The following NOVA1 variants were observed in gnomAD, a reference collection of about 807,000 sequenced individuals.
The protein encoded by NOVA1 is NOVA alternative splicing regulator 1.
NOVA1 carries 7 observed loss-of-function variants against 38.0 expected under a neutral mutation model. The observed-to-expected ratio is 0.18, with a 90% CI of 0.10 to 0.35. The LOEUF is 0.35. Ranked by LOEUF, NOVA1 falls within the 10% of genes least tolerant of loss-of-function variation. The pLI is 1.00. For synonymous variants in NOVA1, 270 were observed against 232.5 expected (o/e 1.16, Z -1.47); for missense variants, 460 against 616.0 (o/e 0.75, Z 2.68).
At chr14:26,495,704 T>C (rs1393719041) in intron 2 of NOVA1, among the ~76,000 whole-genome samples, 1 of 138,744 alleles carries the variant, frequency 7.2e-6, no homozygotes, top group African/African-American at 2.6e-5. Flanking sequence ...TGTCCATGTA[T>C]TCTCATTGTT....
intron 2 of NOVA1, among the ~76,000 whole-genome samples, chr14:26,547,183 T>G (rs1220076743): frequency 2.0e-5 from 3 of 152,160 alleles, no homozygotes; most frequent in Non-Finnish European, 4.4e-5. Flanking sequence ...ATTCCAAAAT[T>G]ATTAAGTGAG....
chr14:26,589,732 TA>T (rs1173388984), intron 2 of NOVA1, among the ~76,000 whole-genome samples: 2 of 151,864 alleles, frequency 1.3e-5, no homozygotes, highest in African/African-American at 2.4e-5. Flanking sequence ...GCTTCTCACT[TA>T]AGGTTATTTT....
chr14:26,481,629 T>A (rs543568373), intron 2 of NOVA1, among the ~76,000 whole-genome samples: 25 of 152,240 alleles, frequency 1.6e-4, no homozygotes, highest in Non-Finnish European at 3.5e-4. Context: ...AGACCATGTA[T>A]ATGGCTTTCA....
chr14:26,488,754 TAATAA>T (rs945880376), intron 2 of NOVA1, among the ~76,000 whole-genome samples: 11 of 152,170 alleles, frequency 7.2e-5, no homozygotes, highest in Non-Finnish European at 8.8e-5. Context: ...TATATGTACA[TAATAA>T]ATAGAGATTT....
At chr14:26,588,799 T>C (rs1566563292) in intron 2 of NOVA1, among the ~76,000 whole-genome samples, 1 of 151,552 alleles carries the variant, frequency 6.6e-6, no homozygotes, top group African/African-American at 2.4e-5. Context: ...TTTAAAGTAC[T>C]GGAATGAATC....
chr14:26,486,232 T>C (rs1885876385), intron 2 of NOVA1, among the ~76,000 whole-genome samples: 1 of 152,166 alleles, frequency 6.6e-6, no homozygotes, highest in Non-Finnish European at 1.5e-5. Flanking sequence ...ACACAAACAG[T>C]GCTTTGTGAG....
intron 2 of NOVA1, among the ~76,000 whole-genome samples, chr14:26,577,539 T>C (rs1402909855): frequency 6.6e-6 from 1 of 152,166 alleles, no homozygotes; most frequent in Non-Finnish European, 1.5e-5. Context: ...GCAGAGTGCA[T>C]TTCTGTAACA....
intron 2 of NOVA1, among the ~76,000 whole-genome samples, chr14:26,581,890 C>T (rs1341210977): frequency 6.6e-6 from 1 of 151,830 alleles, no homozygotes; most frequent in Non-Finnish European, 1.5e-5. Flanking sequence ...TTTTACCTTT[C>T]ACTATCTTAT....
intron 2 of NOVA1, among the ~76,000 whole-genome samples, chr14:26,524,002 T>C (rs937395874): frequency 3.3e-5 from 5 of 152,078 alleles, no homozygotes; most frequent in South Asian, 4.1e-4. Flanking sequence ...CTGCCCGCCT[T>C]GGCCTCCCAA....
At chr14:26,461,798 T>C (rs1014635624) in intron 4 of NOVA1, among the ~76,000 whole-genome samples, 1 of 146,624 alleles carries the variant, frequency 6.8e-6, no homozygotes, top group Non-Finnish European at 1.5e-5. Flanking sequence ...TTGCCAGGCA[T>C]GCATGGTGGC....
At chr14:26,565,222 T>C (rs2069127924) in intron 2 of NOVA1, among the ~76,000 whole-genome samples, 1 of 152,322 alleles carries the variant, frequency 6.6e-6, no homozygotes, top group East Asian at 1.9e-4. Context: ...CCTGCAGTTT[T>C]GTAAGAACAA....
At chr14:26,555,796 T>A (rs61986533) in intron 2 of NOVA1, among the ~76,000 whole-genome samples, 1 of 152,136 alleles carries the variant, frequency 6.6e-6, no homozygotes, top group Non-Finnish European at 1.5e-5. Flanking sequence ...TTATCACTTA[T>A]GTCAACCAGG....
intron 2 of NOVA1, among the ~76,000 whole-genome samples, chr14:26,576,359 T>C (rs1892842053): frequency 6.6e-6 from 1 of 150,942 alleles, no homozygotes; most frequent in Admixed American, 6.6e-5. Flanking sequence ...AGTGAAATGA[T>C]TATAAATGAA....
intron 2 of NOVA1, among the ~76,000 whole-genome samples, chr14:26,586,957 G>A: frequency 6.8e-6 from 1 of 146,152 alleles, no homozygotes. Context: ...GACTAGGAGA[G>A]AGAGGAGGTA....
intron 2 of NOVA1, among the ~76,000 whole-genome samples, chr14:26,496,335 G>T (rs767252278): frequency 1.3e-5 from 2 of 152,152 alleles, no homozygotes; most frequent in Non-Finnish European, 2.9e-5. Flanking sequence ...CCCACTTTTT[G>T]ATGGGGTTGT....
intron 3 of NOVA1, among the ~76,000 whole-genome samples, chr14:26,476,876 C>A (rs759202419): frequency 6.6e-6 from 1 of 151,354 alleles, no homozygotes; most frequent in African/African-American, 2.5e-5. Context: ...CCACCACACC[C>A]GGCTAATTTT....
intron 2 of NOVA1, among the ~76,000 whole-genome samples, chr14:26,517,126 C>T (rs866156663): frequency 2.6e-5 from 4 of 151,954 alleles, no homozygotes; most frequent in African/African-American, 9.7e-5. Context: ...AGGATAGCCT[C>T]GATCTCCTGA....
intron 2 of NOVA1, among the ~76,000 whole-genome samples, chr14:26,492,899 C>A (rs914718944): frequency 6.6e-6 from 1 of 151,738 alleles, no homozygotes; most frequent in Non-Finnish European, 1.5e-5. Flanking sequence ...TGCCACTGCA[C>A]TCCAGCCTGG....
Position 26,508,632 on chromosome 14 carries a change from C to T in NOVA1, c.281-28489G>A, listed in dbSNP as rs149136337. Among the ~76,000 whole-genome samples the T allele has an allele frequency of 1.1e-3, 161 of 151,924 alleles. 1 individual carries two copies. Among genetic ancestry groups the T allele is most frequent in the Non-Finnish European group, 1.9e-3 (132 of 67,858 alleles). On this transcript the variant is annotated intron_variant, in intron 2 of 4. Transcript: ENST00000539517. ...CACACTAGACAATGTAAACATTATA[C>T]ACACTTAAGCACACATAGCATATTC...
Sources: gnomAD v4.1 joint callset for allele counts (sites outside exome capture counted in the v4.1 genomes callset) on GRCh38, gnomAD v4.1.1 for gene constraint, MANE v1.5 for transcripts, NCBI Gene and HGNC (gene_info 2026-07-23, HGNC 2026-07-21) for gene names.